Variants in APLF observed in about 807,000 individuals in gnomAD.
The protein encoded by APLF is aprataxin and PNK-like factor.
A neutral mutation model predicts 55.6 loss-of-function variants in APLF; 61 were observed. That is an observed-to-expected ratio of 1.10 (90% CI 0.89 to 1.36). The LOEUF is 1.36. APLF is among the 40% of genes most tolerant of loss of function. The probability of loss-of-function intolerance (pLI) is 0.00; values close to 1 mark genes in which losing one functional copy is unlikely to be tolerated. For synonymous variants in APLF, 207 were observed against 214.8 expected, an observed-to-expected ratio of 0.96 and a Z score of 0.32; for missense variants, 611 against 602.5, an observed-to-expected ratio of 1.01 and a Z score of -0.15.
rs1670149472 is a variant in APLF, at chr2:68,528,527, G to T, written c.804+2285G>T. On this transcript the variant is annotated intron_variant, in intron 6 of 9. Coordinates refer to ENST00000303795, the MANE Select transcript of APLF (RefSeq NM_173545.3). ...CCTGTGGCCGGCAGCTCTGGGTGGA[G>T]AAGACCTACTTGATCCAAGAGCTGC... 4.6e-6 allele frequency: 7 copies of T among 1,533,836 alleles called. No individual in the cohort carries two copies. The South Asian group carries it at 8.3e-5, about 18-fold the overall frequency.
At chr2:68,576,227 T>C (rs975991026) in intron 9 of APLF, among the ~76,000 whole-genome samples, 5 of 152,152 alleles carry the variant, frequency 3.3e-5, no homozygotes, top group African/African-American at 4.8e-5. Context: ...AAGAGGAAAA[T>C]AGACAAAAAT....
At chr2:68,559,107 C>A (rs981156766) in intron 8 of APLF, among the ~76,000 whole-genome samples, 40 of 152,134 alleles carry the variant, frequency 2.6e-4, no homozygotes, top group African/African-American at 9.4e-4. Flanking sequence ...AATTCTGTAG[C>A]ATGACTTTGC....
intron 2 of APLF, among the ~76,000 whole-genome samples, chr2:68,501,437 AACACC>A (rs905309239): frequency 2.1e-5 from 3 of 144,378 alleles, no homozygotes; most frequent in Admixed American, 6.9e-5. Context: ...AAAAAAAAAA[AACACC>A]AAAGATCTGC....
chr2:68,488,788 G>A (rs914160784), intron 1 of APLF, among the ~76,000 whole-genome samples: 2 of 152,116 alleles, frequency 1.3e-5, no homozygotes, highest in Non-Finnish European at 2.9e-5. Context: ...TTAAGTGAAA[G>A]TTCTGTGCAA....
intron 3 of APLF, among the ~76,000 whole-genome samples, chr2:68,508,514 A>G (rs1355515962): frequency 5.9e-5 from 9 of 151,926 alleles, no homozygotes. Flanking sequence ...ACTCTTAGAA[A>G]AAAACAGGTG....
At chr2:68,558,665 T>C (rs1671080979) in intron 8 of APLF, among the ~76,000 whole-genome samples, 1 of 152,222 alleles carries the variant, frequency 6.6e-6, no homozygotes, top group African/African-American at 2.4e-5. Flanking sequence ...CTGGGGTACA[T>C]GTGCAGGATG....
intron 1 of APLF, among the ~76,000 whole-genome samples, chr2:68,485,338 C>T (rs367666964): frequency 3.3e-5 from 5 of 151,948 alleles, no homozygotes; most frequent in East Asian, 1.9e-4. Context: ...TTTGTTTTTC[C>T]GATTGTTTGC....
At chr2:68,469,936 G>A (rs1436499836) in intron 1 of APLF, among the ~76,000 whole-genome samples, 1 of 152,198 alleles carries the variant, frequency 6.6e-6, no homozygotes, top group African/African-American at 2.4e-5. Flanking sequence ...TAATCTGACT[G>A]TGTAAAATAG....
rs189903960 is a variant in APLF at position 68,487,570 on chromosome 2, A to G, written c.97-2620A>G. 3.3e-5 allele frequency among the ~76,000 whole-genome samples: 5 copies of G among 152,238 alleles called. No individual in the cohort carries two copies. In the East Asian group the frequency reaches 5.8e-4, roughly 18 times the overall value. On this transcript the variant is annotated intron_variant, in intron 1 of 9. Coordinates refer to ENST00000303795, the MANE Select transcript of APLF (RefSeq NM_173545.3). Reference sequence around the variant, plus strand: ...AATGGTGCTTTGGTGTTGATAATTGATTGTTATTACAGTTGATGTATTAAT... The same window carrying G: ...AATGGTGCTTTGGTGTTGATAATTGGTTGTTATTACAGTTGATGTATTAAT...
chr2:68,517,394 T>C (rs541188590), intron 5 of APLF, among the ~76,000 whole-genome samples: 13 of 128,096 alleles, frequency 1.0e-4, no homozygotes, highest in East Asian at 2.2e-4. Context: ...ATGTTATTAC[T>C]ATATATTAAT....
At chr2:68,468,696 A>G (rs1675512714) in intron 1 of APLF, among the ~76,000 whole-genome samples, 3 of 152,222 alleles carry the variant, frequency 2.0e-5, no homozygotes, top group Admixed American at 2.0e-4. Context: ...TTGTTCTTTA[A>G]CATTCAACAT....
intron 1 of APLF, among the ~76,000 whole-genome samples, chr2:68,475,881 T>TTTTATA (rs1553367544): frequency 1.3e-5 from 2 of 148,656 alleles, no homozygotes; most frequent in African/African-American, 5.0e-5. Flanking sequence ...TTTAAGTCTT[T>TTTTATA]TATATATATA....
At chr2:68,569,975 A>G (rs1052869632) in intron 9 of APLF, among the ~76,000 whole-genome samples, 1 of 152,136 alleles carries the variant, frequency 6.6e-6, no homozygotes, top group Non-Finnish European at 1.5e-5. Context: ...CATATATAAC[A>G]AGATAATACA....
At chr2:68,551,603 C>CTTTTTTTTTTTTTTTTTTTTT in intron 8 of APLF, among the ~76,000 whole-genome samples, 1 of 115,752 alleles carries the variant, frequency 8.6e-6, no homozygotes, top group Non-Finnish European at 1.8e-5. Flanking sequence ...TCTTCTTCTT[C>CTTTTTTTTTTTTTTTTTTTTT]TTTTTTTTTT....
chr2:68,493,907 GA>G (rs1327491650), intron 2 of APLF, among the ~76,000 whole-genome samples: 1 of 152,044 alleles, frequency 6.6e-6, no homozygotes, highest in Non-Finnish European at 1.5e-5. Flanking sequence ...AGGAGATGGA[GA>G]CCATCCTGGC....
chr2:68,512,165 C>T (rs889586112), intron 3 of APLF, among the ~76,000 whole-genome samples: 1 of 151,416 alleles, frequency 6.6e-6, no homozygotes, highest in Non-Finnish European at 1.5e-5. Context: ...AGAACATTTC[C>T]ATTTCCCCAA....
rs189122031 is a variant in APLF, at chr2:68,574,186, A to G, written c.1334-3634A>G. 9.9e-5 allele frequency among the ~76,000 whole-genome samples: 15 copies of G among 152,204 alleles called. No homozygotes were observed. In the East Asian group the frequency reaches 2.1e-3, roughly 22 times the overall value. On this transcript the variant is annotated intron_variant, in intron 9 of 9. Coordinates refer to ENST00000303795, the MANE Select transcript of APLF (RefSeq NM_173545.3). ...TCAGTATTCAGAGTATTTTCCAGGT[A>G]AGTAAAGTTTAATTTTTTTTTTTGG...
At chr2:68,539,757 A>G (rs778411694) in intron 7 of APLF, among the ~76,000 whole-genome samples, 1 of 152,216 alleles carries the variant, frequency 6.6e-6, no homozygotes, top group Non-Finnish European at 1.5e-5. Flanking sequence ...CTTCAGTTTA[A>G]TCAAGAATAT....
At chr2:68,536,105 G>A (rs112453707) in intron 6 of APLF, among the ~76,000 whole-genome samples, 2,099 of 152,278 alleles carry the variant, frequency 0.014, 41 homozygotes, top group African/African-American at 0.046. Flanking sequence ...ATTCTCACTC[G>A]AGAGTTCCAG....
Sources: allele counts gnomAD v4.1 joint callset (sites outside exome capture counted in the v4.1 genomes callset), GRCh38; gene constraint gnomAD v4.1.1; transcripts MANE v1.5; gene names NCBI Gene and HGNC (gene_info 2026-07-23, HGNC 2026-07-21).